The following CDC42SE2 variants were observed in gnomAD, a reference collection of about 807,000 sequenced individuals.
CDC42SE2 encodes the protein CDC42 small effector 2.
Under a neutral mutation model 11.5 loss-of-function variants are expected in CDC42SE2, and 3 were observed. The ratio of observed to expected loss-of-function variants is 0.26; its 90% confidence interval spans 0.12 to 0.67. The LOEUF (loss-of-function observed/expected upper bound fraction) is 0.67. CDC42SE2 is among the 30% of genes least tolerant of loss of function. The pLI, the probability that CDC42SE2 is intolerant of heterozygous loss-of-function variation, is 0.80. For synonymous variants in CDC42SE2, 33 were observed against 34.8 expected (o/e 0.95, Z 0.18); for missense variants, 82 against 106.8 (o/e 0.77, Z 1.02).
intron 3 of CDC42SE2, among the ~76,000 whole-genome samples, chr5:131,369,754 CCA>C (rs1419874300): frequency 2.0e-5 from 3 of 152,138 alleles, no homozygotes; most frequent in African/African-American, 7.2e-5. Context: ...AGTAGTAACC[CCA>C]GTTCCACACT....
At chr5:131,310,405 G>C (rs1205273750) in intron 1 of CDC42SE2, among the ~76,000 whole-genome samples, 1 of 151,696 alleles carries the variant, frequency 6.6e-6, no homozygotes, top group African/African-American at 2.4e-5. Flanking sequence ...GTGTGGTGCT[G>C]AAAAAAATGT....
Position 131,374,869 on chromosome 5 carries a change from A to G in CDC42SE2, c.55-10674A>G, listed in dbSNP as rs7718693. On this transcript the variant is annotated intron_variant, in intron 3 of 4. Transcript: ENST00000505065. The stretch of plus-strand genomic sequence containing the variant: ...AGTTAGCTGTGGGACTTTGGCAAGT[A>G]ATATCTTCCTAGGTACATTGTACAT... Among the ~76,000 whole-genome samples the G allele has an allele frequency of 8.3e-3, 1,264 of 152,288 alleles. 20 individuals carry two copies. The highest frequency in any genetic ancestry group is 0.028 in the African/African-American group (1,174 of 41,546).
At chr5:131,295,059 G>A (rs564194213) in intron 1 of CDC42SE2, among the ~76,000 whole-genome samples, 60 of 152,056 alleles carry the variant, frequency 3.9e-4, no homozygotes, top group South Asian at 1.3e-3. Context: ...CCTGGGAGGC[G>A]GAGGTTGCAG....
intron 1 of CDC42SE2, among the ~76,000 whole-genome samples, chr5:131,295,278 G>GA (rs573126461): frequency 2.5e-3 from 336 of 132,040 alleles, no homozygotes; most frequent in South Asian, 8.6e-3. Flanking sequence ...TTGAGACTTT[G>GA]AAAAAAAAAA....
chr5:131,272,089 C>T (rs1301792266), intron 1 of CDC42SE2, among the ~76,000 whole-genome samples: 1 of 152,280 alleles, frequency 6.6e-6, no homozygotes, highest in East Asian at 1.9e-4. Flanking sequence ...TGGCTCACTG[C>T]AACTTCTGCC....
chr5:131,252,034 AAGAG>A (rs1374495835), intron 1 of CDC42SE2, among the ~76,000 whole-genome samples: 1 of 148,250 alleles, frequency 6.7e-6, no homozygotes, highest in Non-Finnish European at 1.5e-5. Context: ...AGAAGAAAAA[AAGAG>A]AGAAAGAAAA....
intron 1 of CDC42SE2, among the ~76,000 whole-genome samples, chr5:131,279,780 A>G (rs115964686): frequency 0.011 from 1,620 of 152,252 alleles, 31 homozygotes; most frequent in African/African-American, 0.036. Context: ...TTAAAAATTG[A>G]ACTCTGAGAC....
At chr5:131,345,598 T>A (rs1344820677) in intron 2 of CDC42SE2, among the ~76,000 whole-genome samples, 4 of 152,042 alleles carry the variant, frequency 2.6e-5, no homozygotes, top group African/African-American at 9.7e-5. Context: ...CAGGAGAACT[T>A]CCCCAACCTA....
chr5:131,284,612 A>G (rs753524504), intron 1 of CDC42SE2, among the ~76,000 whole-genome samples: 1 of 152,160 alleles, frequency 6.6e-6, no homozygotes, highest in Non-Finnish European at 1.5e-5. Context: ...TTAGGACTAC[A>G]GGCACATGTC....
intron 1 of CDC42SE2, among the ~76,000 whole-genome samples, chr5:131,282,292 C>A (rs1191850143): frequency 6.6e-6 from 1 of 152,196 alleles, no homozygotes; most frequent in African/African-American, 2.4e-5. Context: ...AGGCTAAGAA[C>A]TGACCATTTG....
chr5:131,319,924 G>T (rs1021186234), intron 2 of CDC42SE2, among the ~76,000 whole-genome samples: 1 of 151,260 alleles, frequency 6.6e-6, no homozygotes, highest in African/African-American at 2.4e-5. Flanking sequence ...GGTGGCGGGT[G>T]CCTGTAGTTC....
chr5:131,384,114 C>T (rs536245796), intron 3 of CDC42SE2, among the ~76,000 whole-genome samples: 2 of 152,144 alleles, frequency 1.3e-5, no homozygotes, highest in African/African-American at 4.8e-5. Flanking sequence ...GGAAGGAAAA[C>T]CCAACAAACT....
At chr5:131,320,175 A>C (rs1309044964) in intron 2 of CDC42SE2, among the ~76,000 whole-genome samples, 1 of 150,798 alleles carries the variant, frequency 6.6e-6, no homozygotes, top group East Asian at 2.0e-4. Flanking sequence ...ACTTGAGGTT[A>C]GGGGTTTGAG....
intron 1 of CDC42SE2, among the ~76,000 whole-genome samples, chr5:131,286,048 CTT>C (rs66827141): frequency 2.8e-3 from 356 of 127,154 alleles, no homozygotes; most frequent in Middle Eastern, 4.1e-3. Context: ...GGAAATGTAG[CTT>C]TTTTTTTTTT....
intron 3 of CDC42SE2, among the ~76,000 whole-genome samples, chr5:131,382,642 C>G (rs1264693609): frequency 1.3e-5 from 2 of 152,172 alleles, no homozygotes; most frequent in Non-Finnish European, 2.9e-5. Context: ...GTGGCTCTCT[C>G]TGCATATCAG....
At position 131,362,155 on chromosome 5, in the gene CDC42SE2, C is replaced by T. The variant is rs181452467; in HGVS notation, c.54+2608C>T. Among the ~76,000 whole-genome samples, 284 of 152,172 alleles carry T rather than the reference C, an allele frequency of 1.9e-3. 1 individual carries two copies. Among genetic ancestry groups the T allele is most frequent in the African/African-American group, 6.5e-3 (271 of 41,524 alleles). On this transcript the variant is annotated intron_variant, in intron 3 of 4. Coordinates refer to ENST00000505065, the MANE Select transcript of CDC42SE2 (RefSeq NM_001375635.1). ...CCCAGCACTTCCCTGTTCCCACTCC[C>T]ATATCATTTAAAGGGACCACACTCT...
the CDC42SE2 span, among the ~76,000 whole-genome samples, chr5:131,237,730 G>C: frequency 0.14 from 21,228 of 152,064 alleles, 1,568 homozygotes; most frequent in Middle Eastern, 0.22. Context: ...TAGGATTGTA[G>C]GCGCTCACCA....
At chr5:131,337,231 C>T (rs772029356) in intron 2 of CDC42SE2, among the ~76,000 whole-genome samples, 63 of 152,286 alleles carry the variant, frequency 4.1e-4, no homozygotes, top group African/African-American at 1.2e-3. Context: ...ACTGGAGGTC[C>T]ACTCCAGACC....
chr5:131,377,902 A>C (rs2149784398), intron 3 of CDC42SE2, among the ~76,000 whole-genome samples: 1 of 152,376 alleles, frequency 6.6e-6, no homozygotes, highest in South Asian at 2.1e-4. Flanking sequence ...AATATTAGAT[A>C]AGACAAACAA....
Sources: gnomAD v4.1 joint callset for allele counts (sites outside exome capture counted in the v4.1 genomes callset) on GRCh38, gnomAD v4.1.1 for gene constraint, MANE v1.5 for transcripts, NCBI Gene and HGNC (gene_info 2026-07-23, HGNC 2026-07-21) for gene names.